The following NBEA variants were observed in gnomAD, a reference collection of about 807,000 sequenced individuals.
The protein encoded by NBEA is lysosomal-trafficking regulator 2.
Under a neutral mutation model 343.4 loss-of-function variants are expected in NBEA, and 44 were observed. That is an observed-to-expected ratio of 0.13 (90% CI 0.10 to 0.16). The LOEUF is 0.16. Among genes scored for constraint, NBEA ranks in the 10% least tolerant of loss-of-function variants. The pLI is 1.00. For synonymous variants in NBEA, 1,175 were observed against 1,238.7 expected (o/e 0.95, Z 1.08); for missense variants, 2,555 against 3,631.3 (o/e 0.70, Z 7.62).
intron 35 of NBEA, among the ~76,000 whole-genome samples, chr13:35,292,604 T>C (rs914464250): frequency 6.6e-6 from 1 of 152,024 alleles, no homozygotes; most frequent in Non-Finnish European, 1.5e-5. Flanking sequence ...TTTGTTTTGC[T>C]CTACAGACAG....
intron 12 of NBEA, among the ~76,000 whole-genome samples, chr13:35,110,336 CTA>C (rs1330538433): frequency 6.6e-6 from 1 of 151,814 alleles, no homozygotes; most frequent in Non-Finnish European, 1.5e-5. Context: ...TGAAAGCGAA[CTA>C]TATGTTATGG....
chr13:35,239,004 A>C (rs1019313063), intron 34 of NBEA, among the ~76,000 whole-genome samples: 1 of 152,124 alleles, frequency 6.6e-6, no homozygotes, highest in African/African-American at 2.4e-5. Flanking sequence ...AACTTGCCGT[A>C]TTTTTATTTA....
Position 35,117,419 on chromosome 13 carries a change from C to T in NBEA, c.2008C>T (p.Pro670Ser), listed in dbSNP as rs780912938. Reference sequence around the variant, plus strand: ...TTTTTTCTGTTTTGTTCTAGATGGTCCCCGGCCATCACAAAAAGAAATTAT... The same window carrying T: ...TTTTTTCTGTTTTGTTCTAGATGGTTCCCGGCCATCACAAAAAGAAATTAT... The part of the protein sequence containing the change: ...SGITPKGLDG[P>S]RPSQKEIISL... The change falls in exon 14 of 59, where the codon CCC (proline) becomes TCC (serine). Residue 670 changes from proline to serine, a missense_variant. By Grantham distance (74) the Pro-to-Ser change is moderately conservative (BLOSUM62 -1). Transcript: ENST00000379939. The T allele has an allele frequency of 3.0e-5, 41 of 1,368,182 alleles. 2 individuals are homozygous for T. The South Asian group carries it at 7.7e-4, about 26-fold the overall frequency. The allele number at this position is 1,368,182 out of a possible 1,614,324, so 84.8% of individuals were successfully genotyped here.
chr13:35,385,824 A>T (rs1048669859), intron 38 of NBEA, among the ~76,000 whole-genome samples: 2 of 152,336 alleles, frequency 1.3e-5, no homozygotes, highest in South Asian at 4.1e-4. Flanking sequence ...CTGAACAGGG[A>T]TTGGCTTTAT....
intron 37 of NBEA, among the ~76,000 whole-genome samples, chr13:35,351,011 T>C (rs2040170648): frequency 6.6e-6 from 1 of 151,980 alleles, no homozygotes; most frequent in Non-Finnish European, 1.5e-5. Flanking sequence ...AATATTAACC[T>C]CATTACTGAG....
At chr13:35,605,508 A>G (rs1162753079) in intron 47 of NBEA, among the ~76,000 whole-genome samples, 1 of 152,200 alleles carries the variant, frequency 6.6e-6, no homozygotes, top group Non-Finnish European at 1.5e-5. Context: ...AATGTTGATC[A>G]TATTACACAA....
intron 44 of NBEA, among the ~76,000 whole-genome samples, chr13:35,562,806 A>T (rs560369095): frequency 6.6e-6 from 1 of 152,188 alleles, no homozygotes; most frequent in South Asian, 2.1e-4. Context: ...GTTAATCCAG[A>T]TGCTGCCATC....
chr13:35,517,194 C>T (rs2077517067), intron 41 of NBEA, among the ~76,000 whole-genome samples: 1 of 152,146 alleles, frequency 6.6e-6, no homozygotes, highest in South Asian at 2.1e-4. Context: ...AAGTCCTCCG[C>T]TCCCCTTCCC....
intron 38 of NBEA, among the ~76,000 whole-genome samples, chr13:35,385,340 T>G (rs1237012726): frequency 1.3e-5 from 2 of 152,176 alleles, no homozygotes; most frequent in African/African-American, 2.4e-5. Flanking sequence ...TTCCACCTGG[T>G]TGAACAATAT....
At chr13:35,579,953 A>G (rs2080934917) in intron 45 of NBEA, among the ~76,000 whole-genome samples, 1 of 152,120 alleles carries the variant, frequency 6.6e-6, no homozygotes, top group Non-Finnish European at 1.5e-5. Context: ...GAACATCCTA[A>G]TGCTACACAT....
At chr13:35,086,932 A>C (rs1041326716) in intron 10 of NBEA, among the ~76,000 whole-genome samples, 2 of 151,626 alleles carry the variant, frequency 1.3e-5, no homozygotes, top group African/African-American at 4.8e-5. Context: ...CCTGTTGACA[A>C]TTTCTGTGTC....
intron 1 of NBEA, among the ~76,000 whole-genome samples, chr13:35,034,170 T>G (rs1449432671): frequency 6.6e-6 from 1 of 151,966 alleles, no homozygotes; most frequent in Non-Finnish European, 1.5e-5. Flanking sequence ...CTTTTTGTTG[T>G]GTTGAGGTAT....
chr13:35,655,736 C>T lies in NBEA; in HGVS notation c.8349C>T (p.Asp2783=), dbSNP rs2274550. The T allele has an allele frequency of 0.14, 218,524 of 1,612,162 alleles. 15,784 individuals are homozygous for T. The highest frequency in any genetic ancestry group is 0.17 in the South Asian group (15,873 of 90,882). ...GTGGGCGGCACCATATCATAGGAGA[C>T]AACCCTAACAGCAGTGAGTGTTTGT... ...YWSGRHHIIG[D]NPNSSDYPAP... is the part of the protein sequence containing the mutation. The change falls in exon 55 of 59, where the codon GAC becomes GAT. Residue 2783 remains aspartate, a synonymous_variant. Transcript: ENST00000379939.
intron 41 of NBEA, among the ~76,000 whole-genome samples, chr13:35,535,515 C>T (rs2078495352): frequency 6.6e-6 from 1 of 152,056 alleles, no homozygotes; most frequent in Non-Finnish European, 1.5e-5. Context: ...GAGACTGCTC[C>T]CATCACTCCT....
intron 1 of NBEA, among the ~76,000 whole-genome samples, chr13:34,962,319 A>G (rs927788649): frequency 5.9e-5 from 9 of 152,002 alleles, no homozygotes; most frequent in African/African-American, 2.2e-4. Context: ...TAACCTTTAT[A>G]TTGTTCAAGT....
At chr13:34,961,622 C>T (rs572969186) in intron 1 of NBEA, among the ~76,000 whole-genome samples, 9 of 152,094 alleles carry the variant, frequency 5.9e-5, no homozygotes, top group East Asian at 3.9e-4. Flanking sequence ...CTAGGCACTT[C>T]GGATACAATG....
chr13:35,087,107 CA>C (rs1427775194), intron 10 of NBEA, among the ~76,000 whole-genome samples: 3 of 151,690 alleles, frequency 2.0e-5, no homozygotes, highest in African/African-American at 7.3e-5. Context: ...ATTGTCTCTT[CA>C]CTCTTTTGAT....
chr13:35,092,758 G>A (rs1428898468), intron 10 of NBEA, among the ~76,000 whole-genome samples: 2 of 151,968 alleles, frequency 1.3e-5, no homozygotes, highest in Non-Finnish European at 2.9e-5. Flanking sequence ...TTGCCAAATG[G>A]TTCAGCCAGT....
chr13:35,460,993 T>C (rs1161891698), intron 40 of NBEA, among the ~76,000 whole-genome samples: 26 of 152,190 alleles, frequency 1.7e-4, no homozygotes, highest in Admixed American at 1.7e-3. Flanking sequence ...CAGGTCTCTC[T>C]TTTTCTTCTT....
Sources: gnomAD v4.1 joint callset for allele counts (sites outside exome capture counted in the v4.1 genomes callset) on GRCh38, gnomAD v4.1.1 for gene constraint, MANE v1.5 for transcripts, NCBI Gene and HGNC (gene_info 2026-07-23, HGNC 2026-07-21) for gene names.